The following PIK3AP1 variants were observed in gnomAD, a reference collection of about 807,000 sequenced individuals.
PIK3AP1 encodes the protein phosphoinositide-3-kinase adaptor protein 1, also known as phosphoinositide 3-kinase adapter protein 1.
PIK3AP1 carries 21 observed loss-of-function variants against 88.1 expected under a neutral mutation model. That is an observed-to-expected ratio of 0.24 (90% CI 0.17 to 0.34). The LOEUF (loss-of-function observed/expected upper bound fraction) is 0.34. Ranked by LOEUF, PIK3AP1 falls within the 10% of genes least tolerant of loss-of-function variation. The pLI is 1.00. For missense variants in PIK3AP1, 828 were observed against 1,035.7 expected (o/e 0.80, Z 2.75); for synonymous variants, 398 against 400.0 (o/e 1.00, Z 0.06).
chr10:96,711,017 C>T (rs1299004730), intron 1 of PIK3AP1, among the ~76,000 whole-genome samples: 1 of 152,116 alleles, frequency 6.6e-6, no homozygotes, highest in Non-Finnish European at 1.5e-5. Flanking sequence ...GCAAGGTGTC[C>T]CTCACCACAC....
chr10:96,618,423 G>C (rs1170720057), intron 12 of PIK3AP1, among the ~76,000 whole-genome samples: 1 of 152,146 alleles, frequency 6.6e-6, no homozygotes, highest in Non-Finnish European at 1.5e-5. Flanking sequence ...CTGGAAACCT[G>C]CCCTGTCCAC....
At chr10:96,639,475 G>T (rs947206697) in intron 8 of PIK3AP1, among the ~76,000 whole-genome samples, 1 of 152,214 alleles carries the variant, frequency 6.6e-6, no homozygotes, top group Non-Finnish European at 1.5e-5. Context: ...AGCTGTGCAG[G>T]TTCAGAGGGG....
chr10:96,639,103 C>T (rs751626741), intron 8 of PIK3AP1, among the ~76,000 whole-genome samples: 10 of 152,128 alleles, frequency 6.6e-5, no homozygotes, highest in Non-Finnish European at 1.2e-4. Context: ...TGCAAGGGAA[C>T]ATGAAAGAAA....
At position 96,711,997 on chromosome 10, in the gene PIK3AP1, A is replaced by G. The variant is rs913536012; in HGVS notation, c.14-2014T>C. On this transcript the variant is annotated intron_variant, in intron 1 of 16. Coordinates refer to ENST00000339364, the MANE Select transcript of PIK3AP1 (RefSeq NM_152309.3). The stretch of plus-strand genomic sequence containing the variant: ...TCTCGATCTCCTGACCTCGTGATCC[A>G]CCCACCTCAGCCTCCCAAAGTGCTG... 1.9e-3 allele frequency among the ~76,000 whole-genome samples: 290 copies of G among 151,276 alleles called. 1 individual carries two copies. The highest frequency in any genetic ancestry group is 6.7e-3 in the African/African-American group (277 of 41,260).
intron 14 of PIK3AP1, among the ~76,000 whole-genome samples, chr10:96,605,368 G>T (rs1444071270): frequency 6.6e-6 from 1 of 152,180 alleles, no homozygotes; most frequent in Non-Finnish European, 1.5e-5. Context: ...ATTTTATTTA[G>T]TTGTAATTAA....
At chr10:96,629,850 T>A (rs1843215237) in intron 8 of PIK3AP1, among the ~76,000 whole-genome samples, 1 of 139,032 alleles carries the variant, frequency 7.2e-6, no homozygotes, top group Non-Finnish European at 1.5e-5. Context: ...ACTGTGATCA[T>A]GCCACTGCAC....
At chr10:96,703,098 G>C (rs555528349) in intron 2 of PIK3AP1, among the ~76,000 whole-genome samples, 3 of 152,238 alleles carry the variant, frequency 2.0e-5, no homozygotes, top group Admixed American at 2.0e-4. Flanking sequence ...GGCTGGTCTT[G>C]AAATCCTGGC....
At chr10:96,676,609 C>G (rs994667851) in intron 2 of PIK3AP1, among the ~76,000 whole-genome samples, 11 of 151,080 alleles carry the variant, frequency 7.3e-5, no homozygotes, top group African/African-American at 2.7e-4. Flanking sequence ...TTCCAACTCC[C>G]TTTTCCAAGA....
At chr10:96,601,399 A>G (rs1016459523) in intron 16 of PIK3AP1, among the ~76,000 whole-genome samples, 1 of 142,608 alleles carries the variant, frequency 7.0e-6, no homozygotes, top group Non-Finnish European at 1.5e-5. Context: ...ACTTGAACCC[A>G]GGAGGCGGAG....
At chr10:96,708,720 C>A (rs890873222) in intron 2 of PIK3AP1, among the ~76,000 whole-genome samples, 5 of 151,884 alleles carry the variant, frequency 3.3e-5, no homozygotes, top group East Asian at 1.9e-4. Context: ...AAGTCACTAA[C>A]CCCGGCAGAA....
At chr10:96,714,320 A>G (rs1302589197) in intron 1 of PIK3AP1, among the ~76,000 whole-genome samples, 2 of 152,196 alleles carry the variant, frequency 1.3e-5, no homozygotes, top group African/African-American at 4.8e-5. Flanking sequence ...CACAAAGTAT[A>G]TGTTATCAAA....
At chr10:96,628,138 C>A (rs748879368) in intron 9 of PIK3AP1, among the ~76,000 whole-genome samples, 1 of 152,092 alleles carries the variant, frequency 6.6e-6, no homozygotes, top group Non-Finnish European at 1.5e-5. Context: ...ACAACAGATG[C>A]ATTTAAAAAA....
intron 2 of PIK3AP1, chr10:96,700,759 C>A: frequency 1.1e-6 from 1 of 950,950 alleles, no homozygotes; most frequent in Non-Finnish European, 1.3e-6. Context: ...TCCCCTCAGT[C>A]CTGCAAAGTG....
intron 15 of PIK3AP1, among the ~76,000 whole-genome samples, chr10:96,602,850 T>A (rs1216843330): frequency 6.6e-6 from 1 of 152,102 alleles, no homozygotes; most frequent in Non-Finnish European, 1.5e-5. Flanking sequence ...AGCAGCAACT[T>A]ACTCCCTGCT....
chr10:96,689,348 A>G (rs559658499), intron 2 of PIK3AP1, among the ~76,000 whole-genome samples: 2 of 151,632 alleles, frequency 1.3e-5, no homozygotes, highest in South Asian at 4.2e-4. Context: ...GCGGATCATG[A>G]GGCCAGGAGA....
chr10:96,637,750 C>T (rs1316570268), intron 8 of PIK3AP1, among the ~76,000 whole-genome samples: 1 of 152,134 alleles, frequency 6.6e-6, no homozygotes, highest in African/African-American at 2.4e-5. Context: ...GATCCACCCT[C>T]AAGGTAGGCA....
intron 2 of PIK3AP1, among the ~76,000 whole-genome samples, chr10:96,663,671 T>C: frequency 9.9e-6 from 1 of 100,974 alleles, no homozygotes; most frequent in Non-Finnish European, 2.1e-5. Flanking sequence ...CATTGGCAAA[T>C]CACAAACAGT....
intron 8 of PIK3AP1, among the ~76,000 whole-genome samples, chr10:96,642,308 C>A (rs2134224787): frequency 6.6e-6 from 1 of 151,606 alleles, no homozygotes; most frequent in East Asian, 1.9e-4. Context: ...CACCTGTAGT[C>A]CCAGTAACTC....
intron 1 of PIK3AP1, 85 bp from the exon 2 acceptor site, chr10:96,710,068 G>C: frequency 7.3e-7 from 1 of 1,377,244 alleles, no homozygotes; most frequent in Non-Finnish European, 9.9e-7. Flanking sequence ...AGAGCATCCA[G>C]ACACTGGGTC....
Sources: gnomAD v4.1 joint callset for allele counts (sites outside exome capture counted in the v4.1 genomes callset) on GRCh38, gnomAD v4.1.1 for gene constraint, MANE v1.5 for transcripts, NCBI Gene and HGNC (gene_info 2026-07-23, HGNC 2026-07-21) for gene names.